The following CTNND2 variants were observed in gnomAD, a reference collection of about 807,000 sequenced individuals.
The protein encoded by CTNND2 is catenin delta 2.
In CTNND2, 22 loss-of-function variants were observed where a neutral mutation model predicts 144.4. The observed-to-expected ratio is 0.15, with a 90% CI of 0.11 to 0.22. The LOEUF (loss-of-function observed/expected upper bound fraction) is 0.22. CTNND2 is among the 10% of genes least tolerant of loss of function. CTNND2 has a pLI of 1.00. For synonymous variants in CTNND2, 751 were observed against 695.6 expected (o/e 1.08, Z -1.25); for missense variants, 1,353 against 1,618.8 (o/e 0.84, Z 2.82).
At chr5:11,811,456 G>C (rs1436316363) in intron 1 of CTNND2, among the ~76,000 whole-genome samples, 1 of 152,060 alleles carries the variant, frequency 6.6e-6, no homozygotes, top group African/African-American at 2.4e-5. Flanking sequence ...ATGAAATAAG[G>C]TGTATGAACA....
chr5:11,050,077 C>A (rs991359103), intron 16 of CTNND2, among the ~76,000 whole-genome samples: 1 of 152,146 alleles, frequency 6.6e-6, no homozygotes, highest in African/African-American at 2.4e-5. Context: ...TTAGAGGATA[C>A]AATTGTGCAT....
Position 11,879,339 on chromosome 5 carries a change from G to GTATATATATA in CTNND2, c.37+24477_37+24478insTATATATATA, listed in dbSNP as rs368634452. On this transcript the variant is annotated intron_variant, in intron 1 of 21. Coordinates refer to ENST00000304623, the MANE Select transcript of CTNND2 (RefSeq NM_001332.4). ...TCAAGTGTATTAAAAAATTAAATGT[G>GTATATATATA]TGTATATATATATATATACATATAC... Among the ~76,000 whole-genome samples the GTATATATATA allele has an allele frequency of 1.6e-3, 163 of 100,978 alleles. 12 individuals are homozygous for GTATATATATA. The highest frequency in any genetic ancestry group is 3.7e-3 in the African/African-American group (109 of 29,818). The allele number at this position is 100,978 out of a possible 152,430, so 66.2% of individuals were successfully genotyped here. A position where few individuals can be genotyped will look rare whatever the true frequency, so the allele number is the denominator to read the frequency against.
At chr5:11,362,299 T>C (rs1429685285) in intron 8 of CTNND2, among the ~76,000 whole-genome samples, 1 of 152,234 alleles carries the variant, frequency 6.6e-6, no homozygotes, top group Non-Finnish European at 1.5e-5. Flanking sequence ...CAGAATTTAA[T>C]AATATTATAT....
intron 15 of CTNND2, among the ~76,000 whole-genome samples, chr5:11,088,763 A>ATT (rs11445037): frequency 1.3e-5 from 2 of 151,828 alleles, no homozygotes; most frequent in African/African-American, 4.8e-5. Context: ...CAGTGCAATT[A>ATT]TATTTTACTA....
At chr5:10,976,441 A>G (rs1224803800) in intron 21 of CTNND2, among the ~76,000 whole-genome samples, 1 of 152,228 alleles carries the variant, frequency 6.6e-6, no homozygotes, top group East Asian at 1.9e-4. Context: ...CCAATAGAGC[A>G]GAGGGGATTT....
chr5:11,090,427 T>A (rs1055519263), intron 15 of CTNND2, among the ~76,000 whole-genome samples: 7 of 152,212 alleles, frequency 4.6e-5, no homozygotes, highest in African/African-American at 1.7e-4. Context: ...TATTGTGGCC[T>A]GTTAGGAACT....
chr5:11,166,894 T>C (rs1240613423), intron 11 of CTNND2, among the ~76,000 whole-genome samples: 3 of 152,330 alleles, frequency 2.0e-5, no homozygotes, highest in South Asian at 2.1e-4. Flanking sequence ...ACTCACTGAA[T>C]GCTTTTAAAA....
At chr5:11,621,545 T>C (rs1309696668) in intron 2 of CTNND2, among the ~76,000 whole-genome samples, 1 of 152,184 alleles carries the variant, frequency 6.6e-6, no homozygotes, top group African/African-American at 2.4e-5. Flanking sequence ...TTGTAGCTTA[T>C]AGAAATACAT....
intron 3 of CTNND2, among the ~76,000 whole-genome samples, chr5:11,509,984 G>C (rs1273067864): frequency 2.0e-5 from 3 of 152,124 alleles, no homozygotes; most frequent in Non-Finnish European, 4.4e-5. Flanking sequence ...CAGGCTAGAG[G>C]ACAATGGCGC....
chr5:11,613,295 CGTGT>C (rs75631664), intron 2 of CTNND2, among the ~76,000 whole-genome samples: 52,091 of 151,754 alleles, frequency 0.34, 10,165 homozygotes, highest in Middle Eastern at 0.61. Flanking sequence ...TGTAGATAAA[CGTGT>C]GTGTATATGT....
At chr5:11,703,700 A>G (rs1785560226) in intron 2 of CTNND2, among the ~76,000 whole-genome samples, 1 of 152,240 alleles carries the variant, frequency 6.6e-6, no homozygotes, top group Non-Finnish European at 1.5e-5. Context: ...TTAGTAAACA[A>G]ACAGATGACT....
At chr5:11,231,891 G>C (rs1285569054) in intron 10 of CTNND2, among the ~76,000 whole-genome samples, 2 of 152,346 alleles carry the variant, frequency 1.3e-5, no homozygotes, top group Admixed American at 1.3e-4. Flanking sequence ...GCTTGGCCCA[G>C]GGCCTCTCTG....
At chr5:11,717,629 T>C (rs1451948480) in intron 2 of CTNND2, among the ~76,000 whole-genome samples, 1 of 146,992 alleles carries the variant, frequency 6.8e-6, no homozygotes, top group East Asian at 2.0e-4. Context: ...AGGAAAGAGG[T>C]TTAATGGACT....
chr5:11,113,751 C>G (rs886701974), intron 13 of CTNND2, among the ~76,000 whole-genome samples: 1 of 152,236 alleles, frequency 6.6e-6, no homozygotes, highest in Non-Finnish European at 1.5e-5. Context: ...CTGTGAGTAC[C>G]TCCCACCAGA....
At chr5:10,974,310 A>G (rs1736176786) in intron 21 of CTNND2, among the ~76,000 whole-genome samples, 1 of 152,188 alleles carries the variant, frequency 6.6e-6, no homozygotes, top group Admixed American at 6.5e-5. Context: ...TATGATGTGC[A>G]TTGCTCCACT....
In CTNND2 at chr5:11,385,024, T is replaced by C; in HGVS notation, c.818A>G (p.Gln273Arg). The stretch of plus-strand genomic sequence containing the variant: ...CTGCAGCTTGGTGGGCGAACCGCCC[T>C]GGGGCGCGGCCAGCGGGGAGCCCCC... The part of the protein sequence containing the change: ...PRGGSPLAAP[Q>R]GGSPTKLQRG... Residue 273 changes from glutamine (Q) to arginine (R), a missense_variant, in exon 7 of 22, where the codon CAG becomes CGG. By Grantham distance (43) the Gln-to-Arg change is conservative. This residue lies in a region of CTNND2 where 708 missense variants were observed against 706.4 expected (regional missense o/e 1.00). Transcript: ENST00000304623. 2 of 1,230,274 alleles carry C rather than the reference T, an allele frequency of 1.6e-6. No individual in the cohort carries two copies. Among genetic ancestry groups the C allele is most frequent in the South Asian group, 3.8e-5 (1 of 26,358 alleles). 76.2% of individuals were successfully genotyped at this position (1,230,274 alleles called of 1,614,324 possible).
At chr5:11,524,673 A>G (rs1015177475) in intron 3 of CTNND2, among the ~76,000 whole-genome samples, 1 of 152,222 alleles carries the variant, frequency 6.6e-6, no homozygotes, top group Non-Finnish European at 1.5e-5. Context: ...AAAAGAGCCC[A>G]TCTCTCCTTG....
At chr5:11,632,715 A>G (rs1781476255) in intron 2 of CTNND2, among the ~76,000 whole-genome samples, 1 of 152,180 alleles carries the variant, frequency 6.6e-6, no homozygotes, top group African/African-American at 2.4e-5. Context: ...TGTTCCAAGA[A>G]CTAAAGGAAA....
At chr5:11,689,453 C>T (rs1356215033) in intron 2 of CTNND2, among the ~76,000 whole-genome samples, 1 of 152,148 alleles carries the variant, frequency 6.6e-6, no homozygotes, top group Non-Finnish European at 1.5e-5. Flanking sequence ...TTCTAAAATA[C>T]ATATTAATTT....
Sources: gnomAD v4.1 joint callset for allele counts (sites outside exome capture counted in the v4.1 genomes callset) on GRCh38, gnomAD v4.1.1 for gene constraint, gnomAD v4.1.1 regional missense constraint, MANE v1.5 for transcripts, NCBI Gene and HGNC (gene_info 2026-07-23, HGNC 2026-07-21) for gene names.